SVIL: variants seen among roughly 807,000 people sequenced by gnomAD.
The protein encoded by SVIL is archvillin.
SVIL carries 101 observed loss-of-function variants against 240.4 expected under a neutral mutation model. The observed-to-expected ratio is 0.42, with a 90% CI of 0.36 to 0.50. The LOEUF is 0.50. Among genes scored for constraint, SVIL ranks in the 20% least tolerant of loss-of-function variants. The pLI is 0.01. For synonymous variants in SVIL, 999 were observed against 1,100.0 expected (o/e 0.91, Z 1.82); for missense variants, 2,512 against 2,818.7 (o/e 0.89, Z 2.46).
chr10:29,524,397 C>A, intron 14 of SVIL, 75 bp downstream of exon 14: 1 of 1,589,266 alleles, frequency 6.3e-7, no homozygotes, highest in South Asian at 1.1e-5. Flanking sequence ...ACATCATTGA[C>A]CTCAGAGGAA....
At chr10:29,518,025 G>A (rs552550429) in intron 16 of SVIL, among the ~76,000 whole-genome samples, 3 of 152,120 alleles carry the variant, frequency 2.0e-5, no homozygotes, top group East Asian at 3.9e-4. Context: ...GGGAAAAGTC[G>A]ATTGCATCCT....
Position 29,709,283 on chromosome 10 carries a change from A to G in SVIL, c.-399-22632T>C, listed in dbSNP as rs188360741. 1.6e-3 allele frequency among the ~76,000 whole-genome samples: 243 copies of G among 152,318 alleles called. 1 individual carries two copies. The highest frequency in any genetic ancestry group is 2.1e-3 in the Non-Finnish European group (140 of 68,024). On this transcript the variant is annotated intron_variant, in intron 1 of 35. Transcript: ENST00000375400. Reference sequence around the variant, plus strand: ...AAAACTCTGACACCCTAAGTGCTCCAATGAGCATAACCTTTGAGTGTCGTG... The same window carrying G: ...AAAACTCTGACACCCTAAGTGCTCCGATGAGCATAACCTTTGAGTGTCGTG...
intron 2 of SVIL, among the ~76,000 whole-genome samples, chr10:29,566,332 C>T (rs188432687): frequency 1.2e-4 from 18 of 152,296 alleles, no homozygotes; most frequent in African/African-American, 3.6e-4. Context: ...TGAGTCCACA[C>T]GGCTGTCATC....
At chr10:29,463,178 A>G (rs1003292865) in intron 35 of SVIL, among the ~76,000 whole-genome samples, 3 of 152,216 alleles carry the variant, frequency 2.0e-5, no homozygotes, top group Non-Finnish European at 4.4e-5. Context: ...ATCAACCCCG[A>G]GTACAGCGGG....
chr10:29,510,689 C>T (rs1266071851), intron 17 of SVIL, among the ~76,000 whole-genome samples: 3 of 152,004 alleles, frequency 2.0e-5, no homozygotes, highest in African/African-American at 4.8e-5. Context: ...TCAGGCCCCA[C>T]GTGTCATGAC....
At chr10:29,648,274 C>T (rs1958730566) in intron 3 of SVIL, among the ~76,000 whole-genome samples, 2 of 152,202 alleles carry the variant, frequency 1.3e-5, no homozygotes, top group African/African-American at 4.8e-5. Context: ...CTCATCAGAT[C>T]TGACAAAGCC....
At chr10:29,659,020 T>A (rs1959082346) in intron 2 of SVIL, among the ~76,000 whole-genome samples, 1 of 152,198 alleles carries the variant, frequency 6.6e-6, no homozygotes, top group Admixed American at 6.5e-5. Context: ...GCATTTATTT[T>A]CCTCAAAGAG....
chr10:29,727,774 A>C (rs568543877), intron 1 of SVIL, among the ~76,000 whole-genome samples: 3 of 151,202 alleles, frequency 2.0e-5, no homozygotes, highest in African/African-American at 7.3e-5. Flanking sequence ...TCACAAAAAG[A>C]GCAATATTTT....
At chr10:29,676,250 G>A (rs1423461357) in intron 2 of SVIL, among the ~76,000 whole-genome samples, 2 of 152,164 alleles carry the variant, frequency 1.3e-5, no homozygotes, top group Admixed American at 6.5e-5. Context: ...TCAGTGATTG[G>A]CTTTCTGTGT....
chr10:29,476,678 T>G (rs1946229644), intron 29 of SVIL, among the ~76,000 whole-genome samples: 1 of 152,252 alleles, frequency 6.6e-6, no homozygotes, highest in Non-Finnish European at 1.5e-5. Context: ...ACTCTGGGGT[T>G]ACAAGTGTGA....
At chr10:29,699,985 A>C (rs1962381412) in intron 1 of SVIL, among the ~76,000 whole-genome samples, 1 of 152,258 alleles carries the variant, frequency 6.6e-6, no homozygotes, top group Admixed American at 6.5e-5. Context: ...CTGGCTTACC[A>C]AGGAAAGGTT....
intron 1 of SVIL, among the ~76,000 whole-genome samples, chr10:29,695,856 C>A (rs1481095146): frequency 2.4e-5 from 2 of 81,734 alleles, no homozygotes; most frequent in African/African-American, 6.3e-5. Flanking sequence ...TCTCCCTCTC[C>A]CTCTCCCGTC....
intron 1 of SVIL, among the ~76,000 whole-genome samples, chr10:29,710,976 C>A (rs1963232961): frequency 6.6e-6 from 1 of 152,162 alleles, no homozygotes; most frequent in African/African-American, 2.4e-5. Context: ...CAAAGAATGT[C>A]TTCAAAAAGA....
At chr10:29,599,779 G>T (rs1389748230) in intron 1 of SVIL, among the ~76,000 whole-genome samples, 1 of 151,936 alleles carries the variant, frequency 6.6e-6, no homozygotes, top group African/African-American at 2.4e-5. Flanking sequence ...ATTTCCCAAC[G>T]GTCAGATAGA....
At chr10:29,635,150 T>C (rs138093169), upstream of SVIL, among the ~76,000 whole-genome samples, 12 of 152,324 alleles carry the variant, frequency 7.9e-5, no homozygotes, top group African/African-American at 2.9e-4. Context: ...GCTTGTTGTA[T>C]AGAGAAATTA....
intron 18 of SVIL, among the ~76,000 whole-genome samples, chr10:29,497,639 C>T (rs995413100): frequency 6.6e-5 from 10 of 152,254 alleles, no homozygotes; most frequent in Admixed American, 1.3e-4. Flanking sequence ...AAAGCATATC[C>T]GGATTTGGCT....
chr10:29,695,093 T>G (rs1284101818), intron 1 of SVIL, among the ~76,000 whole-genome samples: 1 of 152,076 alleles, frequency 6.6e-6, no homozygotes, highest in Non-Finnish European at 1.5e-5. Flanking sequence ...AAGAGAGACC[T>G]CCGGGTCCCA....
chr10:29,509,320 GGAGGGGGAGGGAGAGAGAGAGA>G (rs1284447623), intron 17 of SVIL, among the ~76,000 whole-genome samples: 2 of 86,858 alleles, frequency 2.3e-5, no homozygotes, highest in African/African-American at 7.6e-5. Flanking sequence ...AAAGGGAGAA[GGAGGGGGAGGGAGAGAGAGAGA>G]GAGAGAGAGA....
chr10:29,477,585 C>T (rs1946334215), intron 29 of SVIL, among the ~76,000 whole-genome samples: 1 of 152,176 alleles, frequency 6.6e-6, no homozygotes, highest in Non-Finnish European at 1.5e-5. Context: ...CAGGTGTGGC[C>T]CTTGTGCGCA....
Sources: gnomAD v4.1 joint callset for allele counts (sites outside exome capture counted in the v4.1 genomes callset) on GRCh38, gnomAD v4.1.1 for gene constraint, MANE v1.5 for transcripts, NCBI Gene and HGNC (gene_info 2026-07-23, HGNC 2026-07-21) for gene names.